The following APP variants were observed in gnomAD, a reference collection of about 807,000 sequenced individuals.
APP encodes the protein amyloid beta precursor protein.
A neutral mutation model predicts 101.4 loss-of-function variants in APP; 31 were observed. The ratio of observed to expected loss-of-function variants is 0.31; its 90% CI spans 0.23 to 0.41. The LOEUF is 0.41. Among genes scored for constraint, APP ranks in the 10% least tolerant of loss-of-function variants. The probability of loss-of-function intolerance (pLI) is 1.00; values close to 1 mark genes in which losing one functional copy is unlikely to be tolerated. For missense variants in APP, 839 were observed against 1,003.7 expected (o/e 0.84, Z 2.22); for synonymous variants, 366 against 364.4 (o/e 1.00, Z -0.05).
At chr21:26,050,945 T>C (rs1464089127) in intron 5 of APP, 55 bp downstream of exon 5, 10 of 1,585,106 alleles carry the variant, frequency 6.3e-6, no homozygotes, top group Non-Finnish European at 8.7e-6. Context: ...AGGATACAAA[T>C]ACTCCATACA....
chr21:25,978,891 G>T (rs1200620862), intron 9 of APP, among the ~76,000 whole-genome samples: 1 of 152,220 alleles, frequency 6.6e-6, no homozygotes, highest in African/African-American at 2.4e-5. Flanking sequence ...GTTGGAGGTT[G>T]CAGTGAGTCT....
intron 16 of APP, among the ~76,000 whole-genome samples, chr21:25,893,350 G>A: frequency 6.6e-6 from 1 of 152,268 alleles, no homozygotes; most frequent in South Asian, 2.1e-4. Context: ...AAGAGTCACA[G>A]GTCTCTCACT....
At chr21:26,151,368 T>C (rs1283272115) in intron 1 of APP, among the ~76,000 whole-genome samples, 1 of 152,184 alleles carries the variant, frequency 6.6e-6, no homozygotes, top group Non-Finnish European at 1.5e-5. Flanking sequence ...AACTTACAGT[T>C]AAGCTTCTGC....
intron 3 of APP, among the ~76,000 whole-genome samples, chr21:26,069,319 T>C (rs1034447954): frequency 2.6e-5 from 4 of 152,310 alleles, no homozygotes; most frequent in African/African-American, 9.6e-5. Context: ...GATCATGTAA[T>C]ACTCAGACAC....
intron 1 of APP, 30 bp downstream of exon 1, chr21:26,170,534 T>TC (rs1394577509): frequency 3.3e-6 from 5 of 1,534,696 alleles, no homozygotes; most frequent in Non-Finnish European, 4.4e-6. Context: ...CCGTGCAGCC[T>TC]CCCCCCGCCT....
At chr21:25,947,853 A>T (rs1284778570) in intron 13 of APP, among the ~76,000 whole-genome samples, 1 of 151,930 alleles carries the variant, frequency 6.6e-6, no homozygotes, top group Non-Finnish European at 1.5e-5. Context: ...AAATACAAAA[A>T]AATTAGCCAG....
intron 4 of APP, 50 bp downstream of exon 4, chr21:26,053,186 T>C (rs202140247): frequency 7.4e-6 from 10 of 1,358,930 alleles, no homozygotes; most frequent in Non-Finnish European, 1.1e-5. Flanking sequence ...ATTAAGCACG[T>C]CCCCAGGAAA....
chr21:26,009,188 T>C (rs1348828043), intron 6 of APP, among the ~76,000 whole-genome samples: 2 of 152,254 alleles, frequency 1.3e-5, no homozygotes, highest in Non-Finnish European at 2.9e-5. Flanking sequence ...AAAAGTTGCA[T>C]AGGTTTTGGC....
At chr21:25,899,426 G>A (rs2038291244) in intron 15 of APP, among the ~76,000 whole-genome samples, 1 of 152,148 alleles carries the variant, frequency 6.6e-6, no homozygotes, top group South Asian at 2.1e-4. Context: ...TAGAAGTGAT[G>A]GTGTATGACT....
At chr21:26,150,953 T>TG (rs1741362451) in intron 1 of APP, among the ~76,000 whole-genome samples, 1 of 152,190 alleles carries the variant, frequency 6.6e-6, no homozygotes, top group African/African-American at 2.4e-5. Flanking sequence ...CAAATACCTA[T>TG]AATGTGAAAT....
chr21:25,894,665 T>A (rs2037913805), intron 16 of APP, among the ~76,000 whole-genome samples: 1 of 152,218 alleles, frequency 6.6e-6, no homozygotes, highest in African/African-American at 2.4e-5. Context: ...GAGTTACCTC[T>A]TATGGATGAG....
chr21:26,116,270 T>A (rs370269183), intron 1 of APP, among the ~76,000 whole-genome samples: 4 of 152,302 alleles, frequency 2.6e-5, no homozygotes, highest in African/African-American at 9.6e-5. Context: ...AAAGAAAATA[T>A]TTTTGTTACC....
At chr21:26,032,465 G>A (rs1010336088) in intron 5 of APP, among the ~76,000 whole-genome samples, 27 of 152,112 alleles carry the variant, frequency 1.8e-4, no homozygotes, top group African/African-American at 6.3e-4. Context: ...CAGCCACGTG[G>A]GTTTCATTCT....
chr21:26,098,499 T>C (rs2061994708), intron 2 of APP, among the ~76,000 whole-genome samples: 1 of 152,150 alleles, frequency 6.6e-6, no homozygotes, highest in Non-Finnish European at 1.5e-5. Context: ...TACAGAAACT[T>C]TGTCTCTATT....
intron 5 of APP, among the ~76,000 whole-genome samples, chr21:26,032,127 T>A (rs560940792): frequency 6.6e-6 from 1 of 152,172 alleles, no homozygotes; most frequent in Non-Finnish European, 1.5e-5. Flanking sequence ...TCTGGAGAGG[T>A]AAGACTTTTA....
In APP at chr21:25,891,872, GA is replaced by G; in HGVS notation, c.2065-5del. 6.2e-7 allele frequency: 1 copy of G among 1,613,114 alleles called. No homozygotes were observed. Among genetic ancestry groups the G allele is most frequent in the Non-Finnish European group, 8.5e-7 (1 of 1,179,510 alleles). ...CCACATCTTCTGCAAAGAACACCTT[GA>G]AAACAAATTAAGAAAAAGAATTTTA... On this transcript the variant is annotated splice_region_variant and splice_polypyrimidine_tract_variant and intron_variant, in intron 16 of 17. Coordinates refer to ENST00000346798, the MANE Select transcript of APP (RefSeq NM_000484.4).
intron 13 of APP, among the ~76,000 whole-genome samples, chr21:25,928,011 G>C (rs1258954735): frequency 6.6e-6 from 1 of 152,136 alleles, no homozygotes; most frequent in African/African-American, 2.4e-5. Context: ...GGGAGTCTTG[G>C]TCCTGCCTGG....
At chr21:25,964,852 G>A (rs1360030932) in intron 11 of APP, among the ~76,000 whole-genome samples, 2 of 151,994 alleles carry the variant, frequency 1.3e-5, no homozygotes, top group African/African-American at 4.8e-5. Context: ...CACCCGCCTT[G>A]GCCTCCCAAA....
intron 13 of APP, among the ~76,000 whole-genome samples, chr21:25,944,016 G>A (rs893313185): frequency 2.6e-5 from 4 of 151,278 alleles, no homozygotes; most frequent in East Asian, 1.9e-4. Flanking sequence ...CTCAGGGGAT[G>A]GGCAGACAAA....
Sources: gnomAD v4.1 joint callset for allele counts (sites outside exome capture counted in the v4.1 genomes callset) on GRCh38, gnomAD v4.1.1 for gene constraint, MANE v1.5 for transcripts, NCBI Gene and HGNC (gene_info 2026-07-23, HGNC 2026-07-21) for gene names.